TET3: variants seen among roughly 807,000 people sequenced by gnomAD.
TET3 encodes tet methylcytosine dioxygenase 3.
In TET3, 19 loss-of-function variants were observed where a neutral mutation model predicts 141.4. That is an observed-to-expected ratio of 0.13 (90% CI 0.09 to 0.20). TET3 has a LOEUF of 0.20. Among genes scored for constraint, TET3 ranks in the 10% least tolerant of loss-of-function variants. The probability of loss-of-function intolerance (pLI) is 1.00; values close to 1 mark genes in which losing one functional copy is unlikely to be tolerated. For missense variants in TET3, 1,874 were observed against 2,356.9 expected, an observed-to-expected ratio of 0.80 and a Z score of 4.24; for synonymous variants, 1,043 against 980.9, an observed-to-expected ratio of 1.06 and a Z score of -1.18.
intron 3 of TET3, among the ~76,000 whole-genome samples, chr2:74,006,400 C>T (rs1685150516): frequency 6.6e-6 from 1 of 152,198 alleles, no homozygotes; most frequent in South Asian, 2.1e-4. Context: ...GACCCTCACC[C>T]TTTTTGAATG....
At chr2:74,045,384 T>C (rs1174661757) in intron 3 of TET3, among the ~76,000 whole-genome samples, 1 of 152,242 alleles carries the variant, frequency 6.6e-6, no homozygotes, top group Non-Finnish European at 1.5e-5. Context: ...CCATCAGTCC[T>C]TCTGTGTTTT....
chr2:74,006,225 C>T (rs1415711638), intron 3 of TET3, among the ~76,000 whole-genome samples: 2 of 152,186 alleles, frequency 1.3e-5, no homozygotes, highest in African/African-American at 4.8e-5. Context: ...CAGCAGCCAG[C>T]TTGGGAAGAT....
intron 5 of TET3, among the ~76,000 whole-genome samples, chr2:74,078,560 C>A (rs1327542056): frequency 1.3e-5 from 2 of 152,080 alleles, no homozygotes; most frequent in Non-Finnish European, 2.9e-5. Context: ...TTTAACCAGT[C>A]TCATGTTAGA....
chr2:74,005,147 T>A (rs1685087275), intron 3 of TET3, among the ~76,000 whole-genome samples: 1 of 152,190 alleles, frequency 6.6e-6, no homozygotes, highest in Admixed American at 6.5e-5. Flanking sequence ...GTTCTCCGTG[T>A]CTCCCTGCCT....
At chr2:74,131,115 C>T in the TET3 span, among the ~76,000 whole-genome samples, 1 of 152,124 alleles carries the variant, frequency 6.6e-6, no homozygotes, top group Admixed American at 6.5e-5. Flanking sequence ...ACTAATGAGA[C>T]TCTTAAATCT....
chr2:74,059,833 T>G (rs1159707928), intron 4 of TET3, among the ~76,000 whole-genome samples: 1 of 152,264 alleles, frequency 6.6e-6, no homozygotes, highest in Admixed American at 6.5e-5. Context: ...CTGTGTTATC[T>G]GTATGTATGT....
At chr2:74,132,391 C>T in the TET3 span, among the ~76,000 whole-genome samples, 7 of 152,152 alleles carry the variant, frequency 4.6e-5, no homozygotes, top group Non-Finnish European at 8.8e-5. Context: ...ACAAAGTCTG[C>T]TCTTCCCACG....
chr2:74,023,151 G>A (rs1686145692), intron 3 of TET3, among the ~76,000 whole-genome samples: 1 of 152,196 alleles, frequency 6.6e-6, no homozygotes, highest in African/African-American at 2.4e-5. Context: ...GTAGCAAGGG[G>A]CCAGGAGTTT....
At chr2:74,072,183 T>C (rs1689245595) in intron 4 of TET3, among the ~76,000 whole-genome samples, 2 of 152,234 alleles carry the variant, frequency 1.3e-5, no homozygotes, top group Non-Finnish European at 2.9e-5. Flanking sequence ...AATGGAATCA[T>C]ACAATGTGTG....
intron 3 of TET3, among the ~76,000 whole-genome samples, chr2:74,042,127 A>G (rs751724733): frequency 6.6e-5 from 10 of 152,176 alleles, no homozygotes; most frequent in Non-Finnish European, 1.2e-4. Flanking sequence ...CCCTTTGAGC[A>G]TGGTCATTTA....
intron 3 of TET3, among the ~76,000 whole-genome samples, chr2:74,019,483 G>A (rs1339088324): frequency 6.6e-6 from 1 of 152,110 alleles, no homozygotes; most frequent in Non-Finnish European, 1.5e-5. Flanking sequence ...AGTCCTCATG[G>A]TATATTGTCT....
intron 3 of TET3, among the ~76,000 whole-genome samples, chr2:74,035,966 A>G (rs911224601): frequency 1.4e-5 from 2 of 145,314 alleles, no homozygotes; most frequent in Non-Finnish European, 3.0e-5. Context: ...TCAATGAGCC[A>G]AGATCCCACC....
downstream of TET3, among the ~76,000 whole-genome samples, chr2:74,110,066 C>T (rs968506944): frequency 2.0e-5 from 3 of 152,108 alleles, no homozygotes; most frequent in African/African-American, 7.2e-5. Flanking sequence ...GCATTCGGGA[C>T]ATAGCAAGTA....
chr2:74,038,472 G>A (rs1227961419), intron 3 of TET3, among the ~76,000 whole-genome samples: 1 of 152,146 alleles, frequency 6.6e-6, no homozygotes, highest in African/African-American at 2.4e-5. Context: ...ACCCAGCGAG[G>A]GCAGGGAAAA....
At chr2:73,990,449 A>AG (rs1019274693) in intron 2 of TET3, among the ~76,000 whole-genome samples, 8 of 152,168 alleles carry the variant, frequency 5.3e-5, no homozygotes, top group African/African-American at 1.9e-4. Context: ...AGAGGGAGGG[A>AG]GGAGTTTGCC....
chr2:74,031,754 C>T (rs1328011222), intron 3 of TET3, among the ~76,000 whole-genome samples: 2 of 152,100 alleles, frequency 1.3e-5, no homozygotes, highest in Admixed American at 1.3e-4. Flanking sequence ...AGATTTATTT[C>T]TTTGAATGAA....
chr2:74,006,569 G>C (rs1310843685), intron 3 of TET3, among the ~76,000 whole-genome samples: 1 of 152,220 alleles, frequency 6.6e-6, no homozygotes, highest in Non-Finnish European at 1.5e-5. Context: ...AGGGGCCTGG[G>C]CACTGGGCTC....
intron 8 of TET3, among the ~76,000 whole-genome samples, chr2:74,090,430 G>A (rs570453086): frequency 1.1e-4 from 17 of 152,244 alleles, no homozygotes; most frequent in Admixed American, 2.6e-4. Context: ...GCGGTCTCCC[G>A]CATGTGGGCC....
At chr2:74,122,509 A>ATTTTTTTTTTTT in the TET3 span, 3 of 76,236 alleles carry the variant, frequency 3.9e-5, no homozygotes, top group Non-Finnish European at 7.2e-5. Flanking sequence ...ATATATATAT[A>ATTTTTTTTTTTT]TATTTTTTTT....
Sources: allele counts gnomAD v4.1 joint callset (sites outside exome capture counted in the v4.1 genomes callset), GRCh38; gene constraint gnomAD v4.1.1; transcripts MANE v1.5; gene names NCBI Gene and HGNC (gene_info 2026-07-23, HGNC 2026-07-21).